Variants in FAM98A observed in about 807,000 individuals in gnomAD.
FAM98A encodes the protein tRNA splicing ligase complex subunit 3A.
Under a neutral mutation model 62.9 loss-of-function variants are expected in FAM98A, and 25 were observed. That is an observed-to-expected ratio of 0.40 (90% CI 0.29 to 0.56). The LOEUF is 0.56. Ranked by LOEUF, FAM98A falls within the 20% of genes least tolerant of loss-of-function variation. FAM98A has a pLI of 0.51. For missense variants in FAM98A, 653 were observed against 640.7 expected, an observed-to-expected ratio of 1.02 and a Z score of -0.21; for synonymous variants, 252 against 228.6, an observed-to-expected ratio of 1.10 and a Z score of -0.92.
intron 1 of FAM98A, 73 bp from the exon 2 acceptor site, chr2:33,595,710 T>C (rs1417864651): frequency 2.3e-5 from 25 of 1,085,330 alleles, no homozygotes; most frequent in African/African-American, 1.7e-5. Flanking sequence ...AACATATCTA[T>C]GTCTTATTTA....
intron 4 of FAM98A, 66 bp from the exon 5 acceptor site, chr2:33,587,386 C>G: frequency 8.7e-7 from 1 of 1,154,306 alleles, no homozygotes; most frequent in East Asian, 2.3e-5. Flanking sequence ...CTTCCCAATT[C>G]CCATCATATC....
At chr2:33,591,934 T>C (rs147048996) in intron 3 of FAM98A, 146 bp downstream of exon 3, 12 of 724,852 alleles carry the variant, frequency 1.7e-5, no homozygotes, top group African/African-American at 1.1e-4. Context: ...AGCTCCTAAA[T>C]TGGAAATTTA....
At position 33,587,277 on chromosome 2, in the gene FAM98A, T is replaced by C. The variant is rs1044110885; in HGVS notation, c.566A>G (p.Lys189Arg). Residue 189 changes from lysine to arginine, a missense_variant, in exon 5 of 8, where the codon AAG (lysine) becomes AGG (arginine). Physicochemically the swap from Lys to Arg is conservative, Grantham distance 26. Coordinates refer to ENST00000238823, the MANE Select transcript of FAM98A (RefSeq NM_015475.5). ...TCCCATTGGCTTCTTCAGTAAAGGC[T>C]TTCCCACATGATTAGGTGGAACTTT... ...LAKVPPNHVGKPLLKKPMGPA... is the reference protein window; with the variant it reads ...LAKVPPNHVGRPLLKKPMGPA... The C allele has an allele frequency of 3.1e-6, 5 of 1,613,598 alleles. No homozygotes were observed. Among genetic ancestry groups the C allele is most frequent in the Non-Finnish European group, 4.2e-6 (5 of 1,179,624 alleles).
In FAM98A at chr2:33,588,360, T is replaced by A; in HGVS notation, c.497A>T (p.Gln166Leu). 6.2e-7 allele frequency: 1 copy of A among 1,612,526 alleles called. No homozygotes were observed. Among genetic ancestry groups the A allele is most frequent in the South Asian group, 1.1e-5 (1 of 90,676 alleles). ...SKPPANITMF[Q>L]FFSGIEKKLK... Reference sequence around the variant, plus strand: ...TTTTTTTTCAATCCCGCTGAAGAATTGGAACATAGTTATATTGGCTGGAGG... The same window carrying A: ...TTTTTTTTCAATCCCGCTGAAGAATAGGAACATAGTTATATTGGCTGGAGG... The change falls in exon 4 of 8, where the codon CAA becomes CTA. Residue 166 changes from glutamine to leucine, a missense_variant. By Grantham distance (113) the Gln-to-Leu change is moderately radical. Transcript: ENST00000238823.
chr2:33,596,439 G>C (rs181625737), intron 1 of FAM98A, among the ~76,000 whole-genome samples: 74 of 152,154 alleles, frequency 4.9e-4, no homozygotes, highest in African/African-American at 1.7e-3. Flanking sequence ...ATTCATAAAA[G>C]ATGACAGTCA....
rs936852125 is a variant in FAM98A, at chr2:33,585,760, T to C, written c.721-63A>G. 25 of 1,446,374 alleles carry C rather than the reference T, an allele frequency of 1.7e-5. No individual in the cohort carries two copies. In the African/African-American group the frequency reaches 3.5e-4, roughly 20 times the overall value. 89.6% of individuals were successfully genotyped at this position (1,446,374 alleles called of 1,614,324 possible). Reference sequence around the variant, plus strand: ...TTCAAAATGACATAAGAAACACATATTAAATAAGTTAAAGGTCTCCAAAAT... The same window carrying C: ...TTCAAAATGACATAAGAAACACATACTAAATAAGTTAAAGGTCTCCAAAAT... On this transcript the variant is annotated intron_variant, in intron 6 of 7. Transcript: ENST00000238823.
rs1558550331 is a variant in FAM98A at position 33,594,563 on chromosome 2, ATAT to A, written c.202+923_202+925del. 1.6e-4 allele frequency among the ~76,000 whole-genome samples: 2 copies of A among 12,184 alleles called. 1 individual carries two copies. Among genetic ancestry groups the A allele is most frequent in the Non-Finnish European group, 3.0e-4 (2 of 6,682 alleles). The allele number at this position is 12,184 out of a possible 152,430, so 8.0% of individuals were successfully genotyped here. Reference sequence around the variant, plus strand: ...AAAAAAAAAAAAAAAAAAAAAAATTATATATATATATATACACACACACACACA... The same window carrying A: ...AAAAAAAAAAAAAAAAAAAAAAATTAATATATATATACACACACACACACA... On this transcript the variant is annotated intron_variant, in intron 2 of 7. Transcript: ENST00000238823.
chr2:33,597,055 A>C (rs1677830047), intron 1 of FAM98A, among the ~76,000 whole-genome samples: 1 of 152,232 alleles, frequency 6.6e-6, no homozygotes, highest in Non-Finnish European at 1.5e-5. Context: ...GTAGTCTGGC[A>C]TCTAGATTTA....
rs1194144445 is a variant in FAM98A at position 33,584,611 on chromosome 2, A to T, written c.*165T>A. The T allele has an allele frequency of 1.6e-6, 1 of 628,184 alleles. No homozygotes were observed. Among genetic ancestry groups the T allele is most frequent in the Non-Finnish European group, 2.8e-6 (1 of 360,702 alleles). The allele number at this position is 628,184 out of a possible 1,614,324, so 38.9% of individuals were successfully genotyped here. On this transcript the variant is annotated 3_prime_UTR_variant, in exon 8 of 8. Transcript: ENST00000238823. Reference sequence around the variant, plus strand: ...ATAAACGGCATTATGTAAGTCCAATAAAAAAATCTAACAGAATTGAATGAA... The same window carrying T: ...ATAAACGGCATTATGTAAGTCCAATTAAAAAATCTAACAGAATTGAATGAA...
intron 2 of FAM98A, among the ~76,000 whole-genome samples, chr2:33,594,124 G>T (rs929752179): frequency 6.6e-6 from 1 of 152,194 alleles, no homozygotes; most frequent in African/African-American, 2.4e-5. Context: ...TCATAGGGTT[G>T]CCCTGAGGTT....
chr2:33,594,628 CATATATATACACAT>C (rs1480563112), intron 2 of FAM98A, among the ~76,000 whole-genome samples: 1 of 118,120 alleles, frequency 8.5e-6, no homozygotes, highest in African/African-American at 4.0e-5. Flanking sequence ...TATATACACA[CATATATATACACAT>C]ATATATATAC....
intron 1 of FAM98A, among the ~76,000 whole-genome samples, chr2:33,597,246 C>T (rs1040828414): frequency 6.6e-6 from 1 of 152,154 alleles, no homozygotes; most frequent in Non-Finnish European, 1.5e-5. Context: ...GTAGTCCCAG[C>T]TACTCCGGAG....
intron 3 of FAM98A, among the ~76,000 whole-genome samples, chr2:33,590,042 A>T (rs1384052209): frequency 6.6e-6 from 1 of 152,182 alleles, no homozygotes; most frequent in Non-Finnish European, 1.5e-5. Flanking sequence ...CTTTAATCGT[A>T]ATCAGTATGT....
At chr2:33,588,243 T>G in intron 4 of FAM98A, 92 bp downstream of exon 4, 2 of 996,020 alleles carry the variant, frequency 2.0e-6, no homozygotes, top group Non-Finnish European at 3.0e-6. Flanking sequence ...CACATTAGGT[T>G]CCCATTAAGA....
rs1315511940 is a variant in FAM98A, at chr2:33,594,572, T to C, written c.202+917A>G. The stretch of plus-strand genomic sequence containing the variant: ...AAAAAAAAAAAAAATTATATATATA[T>C]ATATACACACACACACACACACACA... On this transcript the variant is annotated intron_variant, in intron 2 of 7. Coordinates refer to ENST00000238823, the MANE Select transcript of FAM98A (RefSeq NM_015475.5). Among the ~76,000 whole-genome samples the C allele has an allele frequency of 2.5e-4, 25 of 99,466 alleles. 4 individuals are homozygous for C. The highest frequency in any genetic ancestry group is 9.7e-4 in the African/African-American group (23 of 23,796). 65.3% of individuals were successfully genotyped at this position (99,466 alleles called of 152,430 possible). A position where few individuals can be genotyped will look rare whatever the true frequency, so the allele number is the denominator to read the frequency against.
intron 3 of FAM98A, chr2:33,589,490 T>C (rs1228993605): frequency 1.3e-5 from 2 of 152,132 alleles, no homozygotes; most frequent in Non-Finnish European, 2.9e-5. Context: ...CTATTAGAAG[T>C]AGAAAAAAGT....
At chr2:33,595,704 T>C (rs1242004033) in intron 1 of FAM98A, 67 bp from the exon 2 acceptor site, 2 of 1,123,558 alleles carry the variant, frequency 1.8e-6, no homozygotes, top group Non-Finnish European at 2.5e-6. Context: ...AGATAAAACA[T>C]ATCTATGTCT....
At position 33,585,052 on chromosome 2, in the gene FAM98A, T is replaced by C. The variant is rs562650093; in HGVS notation, c.1281A>G (p.Gln427=). Residue 427 remains glutamine, a synonymous_variant, in exon 8 of 8, where the codon CAA becomes CAG. Transcript: ENST00000238823. ...GYQGGGYGGF[Q]TSSSYTGSGY... ...CACTTCCTGTATATGAAGAAGATGT[T>C]TGGAAGCCACCATAACCTCCGCCTT... The C allele has an allele frequency of 2.5e-6, 4 of 1,614,136 alleles. No individual in the cohort carries two copies. In the African/African-American group the frequency reaches 4.0e-5, roughly 16 times the overall value.
intron 1 of FAM98A, 62 bp downstream of exon 1, chr2:33,599,107 G>A: frequency 2.2e-6 from 3 of 1,376,446 alleles, no homozygotes; most frequent in Non-Finnish European, 3.1e-6. Context: ...CTGGGGCGCA[G>A]GAGGTGTTCC....
Sources: gnomAD v4.1 joint callset for allele counts (sites outside exome capture counted in the v4.1 genomes callset) on GRCh38, gnomAD v4.1.1 for gene constraint, MANE v1.5 for transcripts, NCBI Gene and HGNC (gene_info 2026-07-23, HGNC 2026-07-21) for gene names.